Variants in TMEM163 observed in about 807,000 individuals in gnomAD.
TMEM163 encodes transmembrane protein 163.
In TMEM163, 17 loss-of-function variants were observed where a neutral mutation model predicts 29.3. The observed-to-expected ratio is 0.58, with a 90% CI of 0.40 to 0.87. The LOEUF is 0.87. Ranked by LOEUF, TMEM163 falls within the 40% of genes least tolerant of loss-of-function variation. The pLI is 0.00. For synonymous variants in TMEM163, 157 were observed against 160.6 expected (o/e 0.98, Z 0.17); for missense variants, 303 against 381.5 (o/e 0.79, Z 1.71).
chr2:134,597,748 C>CT (rs1474539615), intron 2 of TMEM163, among the ~76,000 whole-genome samples: 2 of 152,124 alleles, frequency 1.3e-5, no homozygotes, highest in African/African-American at 4.8e-5. Flanking sequence ...TGGTCCTGGA[C>CT]TTTTTTTCGT....
At chr2:134,612,651 G>A (rs943511670) in intron 2 of TMEM163, among the ~76,000 whole-genome samples, 8 of 151,490 alleles carry the variant, frequency 5.3e-5, no homozygotes, top group South Asian at 2.1e-4. Flanking sequence ...ACTAGTGGAC[G>A]ACTAAGCTAA....
chr2:134,500,015 T>G (rs1055089336), intron 5 of TMEM163, among the ~76,000 whole-genome samples: 2 of 152,206 alleles, frequency 1.3e-5, no homozygotes, highest in African/African-American at 4.8e-5. Flanking sequence ...TTATCTCACA[T>G]TAAACATAGG....
chr2:134,641,651 C>T (rs1029254395), intron 2 of TMEM163, among the ~76,000 whole-genome samples: 23 of 151,760 alleles, frequency 1.5e-4, no homozygotes, highest in African/African-American at 4.1e-4. Context: ...CGCTAAAACA[C>T]GTTCAAATAA....
intron 5 of TMEM163, among the ~76,000 whole-genome samples, chr2:134,475,595 C>G (rs1216195927): frequency 2.0e-5 from 3 of 152,014 alleles, no homozygotes; most frequent in Non-Finnish European, 4.4e-5. Context: ...ATATCTGATA[C>G]AGAACTGGTA....
At chr2:134,459,474 T>C (rs1342010549) in intron 6 of TMEM163, among the ~76,000 whole-genome samples, 2 of 152,106 alleles carry the variant, frequency 1.3e-5, no homozygotes, top group African/African-American at 4.8e-5. Flanking sequence ...CCTCCCTCCC[T>C]CCTTCCCAGA....
chr2:134,630,469 G>A (rs1010590681), intron 2 of TMEM163, among the ~76,000 whole-genome samples: 4 of 151,938 alleles, frequency 2.6e-5, no homozygotes, highest in Admixed American at 6.6e-5. Context: ...CCAATGCAGC[G>A]CTGTGCAGAG....
chr2:134,708,801 G>T (rs1684869697), intron 2 of TMEM163, among the ~76,000 whole-genome samples: 1 of 152,018 alleles, frequency 6.6e-6, no homozygotes, highest in African/African-American at 2.4e-5. Flanking sequence ...TATTGGCCAG[G>T]CTGGTCTCAA....
At chr2:134,587,728 C>A (rs1681853585) in intron 2 of TMEM163, among the ~76,000 whole-genome samples, 1 of 152,190 alleles carries the variant, frequency 6.6e-6, no homozygotes, top group Non-Finnish European at 1.5e-5. Context: ...TTGTAGGTAA[C>A]AAAGATGCAG....
chr2:134,683,426 TA>T (rs544236321), intron 2 of TMEM163, among the ~76,000 whole-genome samples: 20,659 of 138,690 alleles, frequency 0.15, 3,389 homozygotes, highest in African/African-American at 0.41. Flanking sequence ...GTCTTTAATT[TA>T]AAAAAAAAAA....
At chr2:134,678,797 T>C (rs1684172370) in intron 2 of TMEM163, among the ~76,000 whole-genome samples, 1 of 152,258 alleles carries the variant, frequency 6.6e-6, no homozygotes, top group South Asian at 2.1e-4. Flanking sequence ...AAATTAATCA[T>C]CTCAAGTTAT....
intron 2 of TMEM163, among the ~76,000 whole-genome samples, chr2:134,573,551 AGG>A (rs1474477833): frequency 6.6e-6 from 1 of 152,172 alleles, no homozygotes; most frequent in Non-Finnish European, 1.5e-5. Context: ...GCAAAGAATC[AGG>A]GCCCCAAATA....
At chr2:134,514,734 T>C (rs927418494) in intron 4 of TMEM163, among the ~76,000 whole-genome samples, 12 of 152,194 alleles carry the variant, frequency 7.9e-5, no homozygotes, top group African/African-American at 2.7e-4. Context: ...ACAGCACCTT[T>C]GTGTAGGGGA....
At chr2:134,542,091 G>A (rs1448236636) in intron 4 of TMEM163, among the ~76,000 whole-genome samples, 2 of 152,116 alleles carry the variant, frequency 1.3e-5, no homozygotes. Flanking sequence ...GTATGTCTGG[G>A]TTTTCTTACA....
chr2:134,481,377 T>TG (rs61620015), intron 5 of TMEM163, among the ~76,000 whole-genome samples: 1,725 of 136,328 alleles, frequency 0.013, 27 homozygotes, highest in African/African-American at 0.04. Flanking sequence ...AATTGAATCA[T>TG]GGGGGGGGGG....
intron 2 of TMEM163, among the ~76,000 whole-genome samples, chr2:134,624,610 T>G: frequency 6.6e-6 from 1 of 152,116 alleles, no homozygotes; most frequent in East Asian, 1.9e-4. Flanking sequence ...AAATAAAAAT[T>G]TTAAAAATTT....
intron 5 of TMEM163, chr2:134,468,203 G>A (rs1475422061): frequency 6.6e-6 from 1 of 152,264 alleles, no homozygotes; most frequent in African/African-American, 2.4e-5. Context: ...AGGAGGTGGG[G>A]CCTCTGGGAG....
At chr2:134,711,677 A>G (rs1684930520) in intron 2 of TMEM163, among the ~76,000 whole-genome samples, 1 of 152,232 alleles carries the variant, frequency 6.6e-6, no homozygotes, top group South Asian at 2.1e-4. Flanking sequence ...CAGGTGTAAC[A>G]TGTGAAACCA....
At position 134,492,949 on chromosome 2, in the gene TMEM163, T is replaced by C. The variant is rs1200408679; in HGVS notation, c.555+9952A>G. 5.3e-5 allele frequency among the ~76,000 whole-genome samples: 8 copies of C among 152,340 alleles called. 1 individual carries two copies. Among genetic ancestry groups the C allele is most frequent in the African/African-American group, 1.9e-4 (8 of 41,576 alleles). On this transcript the variant is annotated intron_variant, in intron 5 of 7. Coordinates refer to ENST00000281924, the MANE Select transcript of TMEM163 (RefSeq NM_030923.5). ...ATTGTTTTCCAAAGCGGTTGTAACATTTTACTCTCTCACCATCAGAGCATA... is the reference window on the plus strand; with the variant it reads ...ATTGTTTTCCAAAGCGGTTGTAACACTTTACTCTCTCACCATCAGAGCATA...
At chr2:134,541,532 AT>A (rs939524102) in intron 4 of TMEM163, among the ~76,000 whole-genome samples, 1 of 152,190 alleles carries the variant, frequency 6.6e-6, no homozygotes, top group Non-Finnish European at 1.5e-5. Flanking sequence ...GTTATTCTGG[AT>A]TTTTTCTAAC....
Sources: gnomAD v4.1 joint callset for allele counts (sites outside exome capture counted in the v4.1 genomes callset) on GRCh38, gnomAD v4.1.1 for gene constraint, MANE v1.5 for transcripts, NCBI Gene and HGNC (gene_info 2026-07-23, HGNC 2026-07-21) for gene names.